Variants in AOC3 observed in about 807,000 individuals in gnomAD.
AOC3 encodes amine oxidase copper containing 3.
In AOC3, 47 loss-of-function variants were observed where a neutral mutation model predicts 55.4. That is an observed-to-expected ratio of 0.85 (90% CI 0.67 to 1.08). The LOEUF is 1.08. Among genes scored for constraint, AOC3 ranks in the 50% least tolerant of loss-of-function variants. The probability of loss-of-function intolerance (pLI) is 0.00; values close to 1 mark genes in which losing one functional copy is unlikely to be tolerated. For synonymous variants in AOC3, 386 were observed against 410.7 expected (o/e 0.94, Z 0.73); for missense variants, 853 against 993.1 (o/e 0.86, Z 1.90).
Position 42,852,223 on chromosome 17 carries a change from A to T in AOC3, c.880A>T (p.Asn294Tyr), listed in dbSNP as rs1458014882. The change falls in exon 1 of 4, where the codon AAT (asparagine) becomes TAT (tyrosine). Residue 294 changes from asparagine to tyrosine, a missense_variant. Asn to Tyr is a moderately radical substitution (Grantham distance 143). Transcript: ENST00000308423. ...GLVNVVLIPD[N>Y]GTGGSWSLKS... ...GGTGAATGTGGTGCTGATCCCAGAC[A>T]ATGGCACAGGTGGGTCCTGGTCCCT... is the stretch of plus-strand genomic sequence containing the variant. 6.2e-7 allele frequency: 1 copy of T among 1,613,474 alleles called. No homozygotes were observed. Among genetic ancestry groups the T allele is most frequent in the Admixed American group, 1.7e-5 (1 of 59,972 alleles).
chr17:42,851,906 T>A lies in AOC3; in HGVS notation c.563T>A (p.Leu188Gln). 1 of 1,613,728 alleles carries A rather than the reference T, an allele frequency of 6.2e-7. No homozygotes were observed. Among genetic ancestry groups the A allele is most frequent in the Non-Finnish European group, 8.5e-7 (1 of 1,179,998 alleles). ...GACCAGATGATCTTCAACAGAGAGC[T>A]GCCCCAGGCTTCTGGGCTTCTCCAC... Reference protein sequence around the residue: ...DIDQMIFNRELPQASGLLHHC... With the variant: ...DIDQMIFNREQPQASGLLHHC... The change falls in exon 1 of 4, where the codon CTG (leucine) becomes CAG (glutamine). Residue 188 changes from leucine (L) to glutamine (Q), a missense_variant. Physicochemically the swap from Leu to Gln is moderately radical, Grantham distance 113. Transcript: ENST00000308423.
chr17:42,851,572 C>T lies in AOC3; in HGVS notation c.229C>T (p.Gln77Ter), dbSNP rs1206238920. 2.5e-6 allele frequency: 4 copies of T among 1,613,600 alleles called. No individual in the cohort carries two copies. Among genetic ancestry groups the T allele is most frequent in the East Asian group, 2.2e-5 (1 of 44,892 alleles). Reference protein sequence around the residue: ...ELTAVMRFLTQRLGPGLVDAA... With the variant: ...ELTAVMRFLT Reference sequence around the variant, plus strand: ...GACGGCTGTGATGCGCTTTCTGACCCAGCGGCTGGGGCCAGGGCTGGTGGA... The same window carrying T: ...GACGGCTGTGATGCGCTTTCTGACCTAGCGGCTGGGGCCAGGGCTGGTGGA... Residue 77 changes from glutamine (Q) to a stop codon, truncating the protein, a stop_gained, in exon 1 of 4, where the codon CAG becomes TAG. Transcript: ENST00000308423. LOFTEE classifies it high-confidence loss of function.
In AOC3 at chr17:42,856,373, C is replaced by T. The variant is rs752572499; in HGVS notation, c.2115C>T (p.Leu705=). 21 of 1,614,208 alleles carry T rather than the reference C, an allele frequency of 1.3e-5. No individual in the cohort carries two copies. Among genetic ancestry groups the T allele is most frequent in the Non-Finnish European group, 1.7e-5 (20 of 1,180,038 alleles). The change falls in exon 4 of 4, where the codon CTC becomes CTT. Residue 705 remains leucine (L), a synonymous_variant. Coordinates refer to ENST00000308423, the MANE Select transcript of AOC3 (RefSeq NM_003734.4). ...VTVGNGVGFF[L]RPYNFFDEDP... ...TGGGGAACGGCGTGGGCTTCTTCCTCCGACCCTATAACTTCTTTGACGAAG... is the reference window on the plus strand; with the variant it reads ...TGGGGAACGGCGTGGGCTTCTTCCTTCGACCCTATAACTTCTTTGACGAAG...
intron 1 of AOC3, chr17:42,853,281 T>C: frequency 9.1e-7 from 1 of 1,095,202 alleles, no homozygotes; most frequent in Non-Finnish European, 1.1e-6. Flanking sequence ...GCCTTCTGTT[T>C]GTCAGCTCAG....
rs539422051 is a variant in AOC3, at chr17:42,853,009, G to T, written c.1600+66G>T. Reference sequence around the variant, plus strand: ...CTGAAAAGTTGTTTCCATTAGCTTTGGGTTTTATGTAGATTATCCCAGAAA... The same window carrying T: ...CTGAAAAGTTGTTTCCATTAGCTTTTGGTTTTATGTAGATTATCCCAGAAA... On this transcript the variant is annotated intron_variant, in intron 1 of 3. Transcript: ENST00000308423. The T allele has an allele frequency of 6.5e-6, 10 of 1,545,428 alleles. No homozygotes were observed. In the East Asian group the frequency reaches 2.3e-4, roughly 35 times the overall value.
At chr17:42,855,759 C>T (rs2055740994) in intron 3 of AOC3, among the ~76,000 whole-genome samples, 186 bp downstream of exon 3, 1 of 152,190 alleles carries the variant, frequency 6.6e-6, no homozygotes, top group South Asian at 2.1e-4. Context: ...GAGTGAGGCC[C>T]TGGGCCTGTC....
Position 42,856,667 on chromosome 17 carries a change from T to C in AOC3, c.*117T>C, listed in dbSNP as rs570770398. On this transcript the variant is annotated 3_prime_UTR_variant, in exon 4 of 4. Transcript: ENST00000308423. ...CCTCTTTCCTGTGCCAGGACTCTCT[T>C]TCTTCCACTACCCTCCCTCGCATCC... The C allele has an allele frequency of 8.1e-7, 1 of 1,232,818 alleles. No homozygotes were observed. The highest frequency in any genetic ancestry group is 2.3e-5 in the East Asian group (1 of 42,730). 76.4% of individuals were successfully genotyped at this position (1,232,818 alleles called of 1,614,324 possible). A position where few individuals can be genotyped will look rare whatever the true frequency, so the allele number is the denominator to read the frequency against.
In AOC3 at chr17:42,851,677, C is replaced by T. The variant is rs1294513816; in HGVS notation, c.334C>T (p.His112Tyr). Residue 112 changes from histidine (H) to tyrosine (Y), a missense_variant, in exon 1 of 4, where the codon CAC (histidine) becomes TAC (tyrosine). Coordinates refer to ENST00000308423, the MANE Select transcript of AOC3 (RefSeq NM_003734.4). ...QLPPKAAALA[H>Y]LDRGSPPPAR... ...GCCTCCCAAGGCTGCAGCCCTGGCT[C>T]ACTTGGACAGGGGGAGCCCCCCACC... 1.2e-6 allele frequency: 2 copies of T among 1,612,896 alleles called. No individual in the cohort carries two copies. Among genetic ancestry groups the T allele is most frequent in the South Asian group, 2.2e-5 (2 of 91,040 alleles).
In AOC3 at chr17:42,852,649, C is replaced by G; in HGVS notation, c.1306C>G (p.Gln436Glu). The change falls in exon 1 of 4, where the codon CAG becomes GAG. Residue 436 changes from glutamine to glutamate, a missense_variant. By Grantham distance (29) the Gln-to-Glu change is conservative. Coordinates refer to ENST00000308423, the MANE Select transcript of AOC3 (RefSeq NM_003734.4). ...RDAFCVFEQN[Q>E]GLPLRRHHSD... ...TGCCTTTTGTGTGTTTGAACAGAAC[C>G]AGGGCCTCCCCCTGCGGCGACACCA... 5 of 1,614,210 alleles carry G rather than the reference C, an allele frequency of 3.1e-6. No individual in the cohort carries two copies. The highest frequency in any genetic ancestry group is 1.1e-5 in the South Asian group (1 of 91,084).
chr17:42,853,163 G>A (rs1194010844), intron 1 of AOC3: 1 of 1,382,942 alleles, frequency 7.2e-7, no homozygotes, highest in East Asian at 2.6e-5. Flanking sequence ...CTCATCCAAA[G>A]ATCTTGGGAA....
In AOC3 at chr17:42,852,292, T is replaced by C. The variant is rs438287; in HGVS notation, c.949T>C (p.Tyr317His). ...GGGTCCAGCTCCCCCTCTACAGTTC[T>C]ATCCCCAAGGCCCCCGCTTCAGTGT... The part of the protein sequence containing the change: ...PPGPAPPLQF[Y>H]PQGPRFSVQG... Residue 317 changes from tyrosine to histidine, a missense_variant, in exon 1 of 4, where the codon TAT (tyrosine) becomes CAT (histidine). Physicochemically the swap from Tyr to His is moderately conservative, Grantham distance 83. Transcript: ENST00000308423. 165 of 1,614,054 alleles carry C rather than the reference T, an allele frequency of 1.0e-4. No homozygotes were observed. The East Asian group carries it at 1.6e-3, about 15-fold the overall frequency.
In AOC3 at chr17:42,854,678, G is replaced by A; in HGVS notation, c.1831G>A (p.Ala611Thr). The change falls in exon 2 of 4, where the codon GCT (alanine) becomes ACT (threonine). Residue 611 changes from alanine (A) to threonine (T), a missense_variant. By Grantham distance (58) the Ala-to-Thr change is moderately conservative. Transcript: ENST00000308423. Reference sequence around the variant, plus strand: ...CTACCGCATCCAGATGCTCAGCTTTGCTGGAGAGCCGCTGCCCCAAAACAG... The same window carrying A: ...CTACCGCATCCAGATGCTCAGCTTTACTGGAGAGCCGCTGCCCCAAAACAG... ...RGYRIQMLSFAGEPLPQNSSM... is the reference protein window; with the variant it reads ...RGYRIQMLSFTGEPLPQNSSM... 6.6e-7 allele frequency: 1 copy of A among 1,522,388 alleles called. No homozygotes were observed. Among genetic ancestry groups the A allele is most frequent in the Non-Finnish European group, 8.9e-7 (1 of 1,129,622 alleles). 94.3% of individuals were successfully genotyped at this position (1,522,388 alleles called of 1,614,324 possible).
Position 42,854,683 on chromosome 17 carries a change from AG to A in AOC3, c.1837del (p.Glu613SerfsTer22). ...YRIQMLSFAG[E>X]PLPQNSSMAR... Reference sequence around the variant, plus strand: ...GCATCCAGATGCTCAGCTTTGCTGGAGAGCCGCTGCCCCAAAACAGCTCCAT... The same window carrying A: ...GCATCCAGATGCTCAGCTTTGCTGGAAGCCGCTGCCCCAAAACAGCTCCAT... On this transcript the variant is annotated frameshift_variant, in exon 2 of 4. Coordinates refer to ENST00000308423, the MANE Select transcript of AOC3 (RefSeq NM_003734.4). LOFTEE classifies it high-confidence loss of function. 1 of 1,517,970 alleles carries A rather than the reference AG, an allele frequency of 6.6e-7. No individual in the cohort carries two copies. Among genetic ancestry groups the A allele is most frequent in the East Asian group, 2.4e-5 (1 of 41,784 alleles). 94.0% of individuals were successfully genotyped at this position (1,517,970 alleles called of 1,614,324 possible).
At chr17:42,854,099 C>T (rs749531311) in intron 1 of AOC3, 124 of 191,248 alleles carry the variant, frequency 6.5e-4, no homozygotes, top group Non-Finnish European at 1.0e-3. Context: ...CTAGGCCATG[C>T]TCCTCTCACA....
Position 42,852,837 on chromosome 17 carries a change from A to T in AOC3, c.1494A>T (p.Ala498=). The T allele has an allele frequency of 1.9e-6, 3 of 1,614,038 alleles. No individual in the cohort carries two copies. Among genetic ancestry groups the T allele is most frequent in the Non-Finnish European group, 2.5e-6 (3 of 1,179,914 alleles). ...RFYATGYISS[A]FLFGATGKYG... is the part of the protein sequence containing the mutation. ...ATGCCACGGGCTACATCAGCTCGGC[A>T]TTCCTCTTTGGTGCTACTGGGAAGT... Residue 498 remains alanine, a synonymous_variant, in exon 1 of 4, where the codon GCA becomes GCT. Coordinates refer to ENST00000308423, the MANE Select transcript of AOC3 (RefSeq NM_003734.4).
chr17:42,853,344 C>T, intron 1 of AOC3: 1 of 1,020,322 alleles, frequency 9.8e-7, no homozygotes, highest in Non-Finnish European at 1.2e-6. Flanking sequence ...TTGCATTCTA[C>T]CACGTCCCTG....
chr17:42,854,323 G>T, intron 1 of AOC3, 125 bp from the exon 2 acceptor site: 1 of 881,760 alleles, frequency 1.1e-6, no homozygotes, highest in Non-Finnish European at 1.6e-6. Context: ...GGAGAGGGAA[G>T]AGAAGGAGGG....
rs758131878 is a variant in AOC3 at position 42,851,607 on chromosome 17, G to T, written c.264G>T (p.Gln88His). The T allele has an allele frequency of 4.3e-6, 7 of 1,613,160 alleles. No individual in the cohort carries two copies. The South Asian group carries it at 7.7e-5, about 18-fold the overall frequency. The stretch of plus-strand genomic sequence containing the variant: ...GGCCAGGGCTGGTGGATGCAGCCCA[G>T]GCCCGGCCCTCGGACAACTGTGTCT... Reference protein sequence around the residue: ...RLGPGLVDAAQARPSDNCVFS... With the variant: ...RLGPGLVDAAHARPSDNCVFS... Residue 88 changes from glutamine (Q) to histidine (H), a missense_variant, in exon 1 of 4, where the codon CAG becomes CAT. By Grantham distance (24) the Gln-to-His change is conservative. Transcript: ENST00000308423.
rs546899035 is a variant in AOC3 at position 42,851,806 on chromosome 17, G to A, written c.463G>A (p.Val155Met). 5.2e-5 allele frequency: 84 copies of A among 1,613,528 alleles called. 1 individual carries two copies. In the East Asian group the frequency reaches 1.8e-3, roughly 35 times the overall value. Residue 155 changes from valine (V) to methionine (M), a missense_variant, in exon 1 of 4, where the codon GTG becomes ATG. Val to Met is a conservative substitution (Grantham distance 21). Transcript: ENST00000308423. The part of the protein sequence containing the change: ...PLPHPSYMRD[V>M]TVERHGGPLP... ...GCCTCACCCCTCCTACATGCGGGAC[G>A]TGACTGTGGAGCGTCATGGAGGCCC...
Sources: allele counts gnomAD v4.1 joint callset (sites outside exome capture counted in the v4.1 genomes callset), GRCh38; gene constraint gnomAD v4.1.1; transcripts MANE v1.5; gene names NCBI Gene and HGNC (gene_info 2026-07-23, HGNC 2026-07-21).